The following BASP1 variants were observed in gnomAD, a reference collection of about 807,000 sequenced individuals.
BASP1 encodes brain acid soluble protein 1.
In BASP1, 1 loss-of-function variant was observed where a neutral mutation model predicts 2.2. The observed-to-expected ratio is 0.46, with a 90% CI of 0.16 to 2.17. The LOEUF (loss-of-function observed/expected upper bound fraction) is 2.17, where lower values mean the gene tolerates loss of function less well. BASP1 is among the 30% of genes most tolerant of loss of function. The pLI, the probability that BASP1 is intolerant of heterozygous loss-of-function variation, is 0.27. For synonymous variants in BASP1, 187 were observed against 154.2 expected (o/e 1.21, Z -1.58); for missense variants, 352 against 327.2 (o/e 1.08, Z -0.58).
At chr5:17,227,745 A>G (rs771251353) in intron 1 of BASP1, among the ~76,000 whole-genome samples, 5 of 152,186 alleles carry the variant, frequency 3.3e-5, no homozygotes, top group South Asian at 2.1e-4. Flanking sequence ...TCGATTAACA[A>G]TTGGTGATGA....
intron 1 of BASP1, among the ~76,000 whole-genome samples, chr5:17,271,357 A>G (rs1278728290): frequency 6.6e-6 from 1 of 152,134 alleles, no homozygotes; most frequent in Non-Finnish European, 1.5e-5. Context: ...CCTGACCTCA[A>G]GTGATCCACC....
At chr5:17,218,737 C>T (rs956617547) in intron 1 of BASP1, among the ~76,000 whole-genome samples, 8 of 147,344 alleles carry the variant, frequency 5.4e-5, no homozygotes, top group Non-Finnish European at 1.1e-4. Flanking sequence ...GGTTCCTGCT[C>T]CCCCCGCCCC....
intron 1 of BASP1, among the ~76,000 whole-genome samples, chr5:17,266,533 A>G (rs897517821): frequency 1.1e-4 from 16 of 152,128 alleles, no homozygotes; most frequent in Non-Finnish European, 2.1e-4. Flanking sequence ...GGGGTGGGGC[A>G]TGGTGGCTCA....
intron 1 of BASP1, among the ~76,000 whole-genome samples, chr5:17,220,908 G>A (rs1739382373): frequency 6.6e-6 from 1 of 152,096 alleles, no homozygotes; most frequent in South Asian, 2.1e-4. Context: ...TTCATTTGGA[G>A]GAGATTTGAT....
At chr5:17,254,086 G>C (rs1740153492) in intron 1 of BASP1, among the ~76,000 whole-genome samples, 1 of 151,888 alleles carries the variant, frequency 6.6e-6, no homozygotes, top group African/African-American at 2.4e-5. Context: ...AGATCTTTAA[G>C]GGAAAAAATA....
At chr5:17,246,374 G>C (rs1425080724) in intron 1 of BASP1, among the ~76,000 whole-genome samples, 1 of 151,994 alleles carries the variant, frequency 6.6e-6, no homozygotes, top group African/African-American at 2.4e-5. Context: ...TGTCATCCCA[G>C]CTACTTGGGA....
intron 1 of BASP1, among the ~76,000 whole-genome samples, chr5:17,237,120 C>T (rs1049456817): frequency 4.6e-5 from 7 of 151,932 alleles, no homozygotes; most frequent in Admixed American, 3.3e-4. Flanking sequence ...TCGAGGTGGG[C>T]GGATCACGAG....
chr5:17,251,983 A>G lies in BASP1; in HGVS notation c.-9-23225A>G, dbSNP rs888735813. 2.6e-5 allele frequency among the ~76,000 whole-genome samples: 4 copies of G among 152,074 alleles called. No individual in the cohort carries two copies. Among genetic ancestry groups the G allele is most frequent in the Admixed American group, 6.5e-5 (1 of 15,276 alleles). On this transcript the variant is annotated intron_variant, in intron 1 of 1. Transcript: ENST00000322611. This position sits in a 1 kb window ranked among gnomAD's most constrained non-coding sequence, Gnocchi z 4.0. ...CTCAGTATCCCAGAGGGCTTTCAAA[A>G]CCCTTCAACTGGATGGGTCTCCCAG...
chr5:17,228,034 G>A lies in BASP1; in HGVS notation c.-10+10224G>A, dbSNP rs143785229. Among the ~76,000 whole-genome samples the A allele has an allele frequency of 7.3e-3, 1,110 of 152,312 alleles. 11 individuals carry two copies. Among genetic ancestry groups the A allele is most frequent in the Non-Finnish European group, 0.012 (786 of 68,030 alleles). ...AAGACAAGATTGATAATGCTTCCCA[G>A]GTATGTGTTTCTTTTTCTGACTCAC... is the stretch of plus-strand genomic sequence containing the variant. On this transcript the variant is annotated intron_variant, in intron 1 of 1. Coordinates refer to ENST00000322611, the MANE Select transcript of BASP1 (RefSeq NM_006317.5).
chr5:17,230,026 A>T (rs1296639260), intron 1 of BASP1, among the ~76,000 whole-genome samples: 1 of 152,110 alleles, frequency 6.6e-6, no homozygotes, highest in Non-Finnish European at 1.5e-5. Flanking sequence ...TGCTGGGATT[A>T]CAGGCATGAG....
intron 1 of BASP1, among the ~76,000 whole-genome samples, chr5:17,258,876 A>G (rs1233332466): frequency 1.3e-5 from 2 of 152,208 alleles, no homozygotes; most frequent in African/African-American, 4.8e-5. Flanking sequence ...GTGAGCATGG[A>G]CAATTTGGGG....
intron 1 of BASP1, among the ~76,000 whole-genome samples, chr5:17,220,856 T>G (rs1480264560): frequency 6.6e-6 from 1 of 152,192 alleles, no homozygotes; most frequent in Non-Finnish European, 1.5e-5. Context: ...TGAAGCCATT[T>G]TCATTTCATG....
At chr5:17,274,052 T>C (rs1030578401) in intron 1 of BASP1, among the ~76,000 whole-genome samples, 1 of 152,186 alleles carries the variant, frequency 6.6e-6, no homozygotes, top group Non-Finnish European at 1.5e-5. Flanking sequence ...TTATAATTTA[T>C]TATTTATCTG....
Position 17,275,331 on chromosome 5 carries a change from G to A in BASP1, c.115G>A (p.Glu39Lys), listed in dbSNP as rs752933124. ...GACGGAAGAGGAGGGGACCCCGAAG[G>A]AGAGTGAGCCCCAGGCGGCCGCAGA... ...AATEEEGTPKESEPQAAAEPA... is the reference protein window; with the variant it reads ...AATEEEGTPKKSEPQAAAEPA... Residue 39 changes from glutamate (E) to lysine (K), a missense_variant, in exon 2 of 2, where the codon GAG becomes AAG. Coordinates refer to ENST00000322611, the MANE Select transcript of BASP1 (RefSeq NM_006317.5). This position sits in a 1 kb window ranked among gnomAD's most constrained non-coding sequence, Gnocchi z 5.3. The A allele has an allele frequency of 1.1e-5, 17 of 1,611,678 alleles. No individual in the cohort carries two copies. Among genetic ancestry groups the A allele is most frequent in the South Asian group, 2.2e-5 (2 of 90,936 alleles).
chr5:17,260,341 GT>G lies in BASP1; in HGVS notation c.-9-14866del, dbSNP rs1041948182. Among the ~76,000 whole-genome samples the G allele has an allele frequency of 2.0e-5, 3 of 152,154 alleles. No homozygotes were observed. The highest frequency in any genetic ancestry group is 4.4e-5 in the Non-Finnish European group (3 of 68,036). The stretch of plus-strand genomic sequence containing the variant: ...GCCACCTTTATAGAAGCATTATCAA[GT>G]CAGGGTTTTATGGTTAAATCTTGTA... On this transcript the variant is annotated intron_variant, in intron 1 of 1. Transcript: ENST00000322611. This position sits in a 1 kb window ranked among gnomAD's most constrained non-coding sequence, Gnocchi z 4.2.
At chr5:17,228,611 T>C (rs1739565760) in intron 1 of BASP1, among the ~76,000 whole-genome samples, 1 of 152,244 alleles carries the variant, frequency 6.6e-6, no homozygotes. Flanking sequence ...TTTAATGCTG[T>C]GACTAGCAAT....
intron 1 of BASP1, among the ~76,000 whole-genome samples, chr5:17,218,384 T>G (rs1163832164): frequency 1.3e-5 from 2 of 152,058 alleles, no homozygotes; most frequent in Non-Finnish European, 2.9e-5. Context: ...TCTCGACCCA[T>G]GGGACTCCTG....
chr5:17,258,809 G>GT (rs1478829391), intron 1 of BASP1, among the ~76,000 whole-genome samples: 1 of 152,168 alleles, frequency 6.6e-6, no homozygotes. Flanking sequence ...TCAGTGCCTG[G>GT]TTTTTTAGGT....
At chr5:17,243,898 T>C (rs1304940008) in intron 1 of BASP1, among the ~76,000 whole-genome samples, 1 of 152,204 alleles carries the variant, frequency 6.6e-6, no homozygotes, top group Non-Finnish European at 1.5e-5. Flanking sequence ...GCACTGCAGC[T>C]CTTGCCAGAA....
Sources: allele counts gnomAD v4.1 joint callset (sites outside exome capture counted in the v4.1 genomes callset), GRCh38; gene constraint gnomAD v4.1.1; non-coding constraint Gnocchi (gnomAD v3.1); transcripts MANE v1.5; gene names NCBI Gene and HGNC (gene_info 2026-07-23, HGNC 2026-07-21).